Variants in ELP4 observed in about 807,000 individuals in gnomAD.
ELP4 encodes elongator complex protein 4.
ELP4 carries 51 observed loss-of-function variants against 48.9 expected under a neutral mutation model. The observed-to-expected ratio is 1.04, with a 90% CI of 0.83 to 1.32. The LOEUF (loss-of-function observed/expected upper bound fraction) is 1.32, where lower values mean the gene tolerates loss of function less well. Ranked by LOEUF, ELP4 falls within the 40% of genes most tolerant of loss-of-function variation. The probability of loss-of-function intolerance (pLI) is 0.00; values close to 1 mark genes in which losing one functional copy is unlikely to be tolerated. For synonymous variants in ELP4, 210 were observed against 189.2 expected (o/e 1.11, Z -0.90); for missense variants, 519 against 514.6 (o/e 1.01, Z -0.08).
chr11:31,628,896 C>T (rs991335997), intron 6 of ELP4, among the ~76,000 whole-genome samples: 5 of 151,930 alleles, frequency 3.3e-5, no homozygotes, highest in East Asian at 3.9e-4. Context: ...CTATAAGGCA[C>T]TACTTCAAAA....
intron 4 of ELP4, among the ~76,000 whole-genome samples, chr11:31,596,192 C>T (rs938193383): frequency 1.3e-5 from 2 of 152,134 alleles, no homozygotes; most frequent in Non-Finnish European, 2.9e-5. Context: ...ATCACAAGGT[C>T]AGGAGTTCAA....
intron 3 of ELP4, among the ~76,000 whole-genome samples, chr11:31,565,041 A>C (rs368966831): frequency 2.6e-5 from 4 of 152,054 alleles, no homozygotes; most frequent in Non-Finnish European, 4.4e-5. Flanking sequence ...AGCACCTGTT[A>C]TTTCCTGACT....
At chr11:31,597,061 C>A (rs1180073698) in intron 4 of ELP4, among the ~76,000 whole-genome samples, 1 of 152,108 alleles carries the variant, frequency 6.6e-6, no homozygotes, top group African/African-American at 2.4e-5. Flanking sequence ...TAAAAAGGTA[C>A]AACTTCTGTA....
At position 31,789,686 on chromosome 11, in the gene ELP4, C is replaced by T. The variant is rs568482434; in HGVS notation, c.*6162C>T. 5 of 702,174 alleles carry T rather than the reference C, an allele frequency of 7.1e-6. No homozygotes were observed. The highest frequency in any genetic ancestry group is 1.8e-5 in the African/African-American group (1 of 57,048). The allele number at this position is 702,174 out of a possible 1,614,324, so 43.5% of individuals were successfully genotyped here. ...AAATGCCCATTTACAAATAATACACCAAAATGAATAAAAGTTTGGATACCA... is the reference window on the plus strand; with the variant it reads ...AAATGCCCATTTACAAATAATACACTAAAATGAATAAAAGTTTGGATACCA... On this transcript the variant is annotated 3_prime_UTR_variant, in exon 10 of 10. Coordinates refer to ENST00000640961, the MANE Select transcript of ELP4 (RefSeq NM_019040.5).
chr11:31,748,932 G>A (rs1257812650), intron 9 of ELP4, among the ~76,000 whole-genome samples: 4 of 152,148 alleles, frequency 2.6e-5, no homozygotes, highest in African/African-American at 4.8e-5. Context: ...CTAGGATGTG[G>A]CCAAACTTTG....
chr11:31,717,513 T>C (rs1174170556), intron 9 of ELP4, among the ~76,000 whole-genome samples: 2 of 152,166 alleles, frequency 1.3e-5, no homozygotes, highest in Non-Finnish European at 2.9e-5. Context: ...CCCAGCACTT[T>C]GGGAGGCTGA....
At chr11:31,714,025 A>T (rs531514865) in intron 9 of ELP4, among the ~76,000 whole-genome samples, 2 of 152,272 alleles carry the variant, frequency 1.3e-5, no homozygotes, top group Non-Finnish European at 2.9e-5. Flanking sequence ...TGCCAAGTAG[A>T]GTAGAAATAT....
chr11:31,690,748 G>A (rs1210751096), intron 9 of ELP4, among the ~76,000 whole-genome samples: 2 of 145,362 alleles, frequency 1.4e-5, no homozygotes, highest in Non-Finnish European at 3.0e-5. Context: ...ACTAGTAATA[G>A]TTAAGGTTTC....
At chr11:31,783,141 G>A (rs1014335327) in intron 9 of ELP4, among the ~76,000 whole-genome samples, 10 of 152,148 alleles carry the variant, frequency 6.6e-5, no homozygotes, top group Admixed American at 1.3e-4. Context: ...TTTTGGTTTG[G>A]ACACTGAAAA....
At chr11:31,764,382 G>A (rs759791185) in intron 9 of ELP4, among the ~76,000 whole-genome samples, 1 of 152,110 alleles carries the variant, frequency 6.6e-6, no homozygotes, top group Non-Finnish European at 1.5e-5. Flanking sequence ...GTAAGGAATA[G>A]GCCATTCATA....
At chr11:31,640,751 A>G (rs1945077944) in intron 7 of ELP4, among the ~76,000 whole-genome samples, 1 of 151,978 alleles carries the variant, frequency 6.6e-6, no homozygotes, top group South Asian at 2.1e-4. Flanking sequence ...AAAGCTTCCA[A>G]AGAGTTGTTA....
intron 5 of ELP4, among the ~76,000 whole-genome samples, chr11:31,605,353 A>T (rs771540135): frequency 1.3e-5 from 2 of 152,058 alleles, no homozygotes; most frequent in Non-Finnish European, 2.9e-5. Context: ...GAGTGATTAT[A>T]TTGATTTTTA....
chr11:31,539,816 G>T, intron 3 of ELP4, 33 bp downstream of exon 3: 2 of 1,534,118 alleles, frequency 1.3e-6, no homozygotes, highest in South Asian at 1.3e-5. Flanking sequence ...ATTGCATTTT[G>T]AATGTTTCAT....
intron 9 of ELP4, among the ~76,000 whole-genome samples, chr11:31,695,466 A>T (rs555627929): frequency 1.3e-5 from 2 of 151,980 alleles, no homozygotes; most frequent in East Asian, 3.9e-4. Flanking sequence ...ACATTTATTG[A>T]TTCGCGTATG....
chr11:31,632,429 T>C lies in ELP4; in HGVS notation c.927+24T>C, dbSNP rs770907670. ...AGGTACGAAATTTCCAGAACTACTT[T>C]TTCATAATTCATAGTAATATAGTAT... On this transcript the variant is annotated intron_variant, in intron 7 of 9. Coordinates refer to ENST00000640961, the MANE Select transcript of ELP4 (RefSeq NM_019040.5). The C allele has an allele frequency of 2.5e-6, 4 of 1,579,726 alleles. No homozygotes were observed. The Admixed American group carries it at 7.3e-5, about 29-fold the overall frequency.
At chr11:31,695,624 TTTG>T (rs974409111) in intron 9 of ELP4, among the ~76,000 whole-genome samples, 4 of 150,254 alleles carry the variant, frequency 2.7e-5, no homozygotes, top group South Asian at 2.1e-4. Context: ...ATTATCTTTT[TTTG>T]TTGTTGTTGT....
At chr11:31,693,110 A>G (rs1017113885) in intron 9 of ELP4, among the ~76,000 whole-genome samples, 15 of 152,088 alleles carry the variant, frequency 9.9e-5, no homozygotes, top group African/African-American at 3.6e-4. Flanking sequence ...TCCACTGCCC[A>G]CCCAAAGGAG....
At chr11:31,684,051 G>A (rs1214150005) in intron 9 of ELP4, among the ~76,000 whole-genome samples, 1 of 152,070 alleles carries the variant, frequency 6.6e-6, no homozygotes, top group East Asian at 1.9e-4. Flanking sequence ...ATTAAGAACT[G>A]CTATGATCCT....
intron 9 of ELP4, among the ~76,000 whole-genome samples, chr11:31,729,630 A>C (rs1947143442): frequency 6.6e-6 from 1 of 152,204 alleles, no homozygotes. Context: ...TAAATGCTTC[A>C]GCTGTTTAAT....
Sources: gnomAD v4.1 joint callset for allele counts (sites outside exome capture counted in the v4.1 genomes callset) on GRCh38, gnomAD v4.1.1 for gene constraint, MANE v1.5 for transcripts, NCBI Gene and HGNC (gene_info 2026-07-23, HGNC 2026-07-21) for gene names.